Variants in TMEM232 observed in about 807,000 individuals in gnomAD.
TMEM232 encodes transmembrane protein 232.
Under a neutral mutation model 78.8 loss-of-function variants are expected in TMEM232, and 80 were observed. The observed-to-expected ratio is 1.01, with a 90% CI of 0.85 to 1.22. TMEM232 has a LOEUF of 1.22. TMEM232 is among the 50% of genes most tolerant of loss of function. TMEM232 has a pLI of 0.00. For synonymous variants in TMEM232, 297 were observed against 254.3 expected (o/e 1.17, Z -1.60); for missense variants, 881 against 742.2 (o/e 1.19, Z -2.17).
intron 13 of TMEM232, among the ~76,000 whole-genome samples, chr5:110,421,668 T>A (rs2112613862): frequency 6.6e-6 from 1 of 152,274 alleles, no homozygotes; most frequent in African/African-American, 2.4e-5. Context: ...GATTACTATA[T>A]ATACCAGTAC....
intron 4 of TMEM232, among the ~76,000 whole-genome samples, chr5:110,639,346 T>C (rs1263652002): frequency 6.6e-6 from 1 of 152,198 alleles, no homozygotes; most frequent in East Asian, 1.9e-4. Flanking sequence ...ATTAAATATG[T>C]GAATGCATTA....
chr5:110,407,469 G>A (rs1456153182), intron 2 of TMEM232, among the ~76,000 whole-genome samples: 1 of 152,104 alleles, frequency 6.6e-6, no homozygotes, highest in Middle Eastern at 3.2e-3. Context: ...AATTTAGCAA[G>A]AGAATATCAT....
At chr5:110,404,757 A>G (rs55885118) in intron 2 of TMEM232, among the ~76,000 whole-genome samples, 5,512 of 152,160 alleles carry the variant, frequency 0.036, 139 homozygotes, top group African/African-American at 0.07. Context: ...CTGAATTCCA[A>G]AGAAAAACAA....
chr5:110,497,902 C>A (rs1765805492), intron 12 of TMEM232, among the ~76,000 whole-genome samples: 2 of 152,082 alleles, frequency 1.3e-5, no homozygotes, highest in South Asian at 4.1e-4. Context: ...ATCTTTTGGA[C>A]TCTAAAGAAT....
intron 10 of TMEM232, among the ~76,000 whole-genome samples, chr5:110,598,135 A>G (rs560423540): frequency 6.6e-6 from 1 of 152,336 alleles, no homozygotes; most frequent in African/African-American, 2.4e-5. Context: ...GCTAATATCC[A>G]CAATCTACAA....
chr5:110,707,750 A>C (rs1796076703), intron 1 of TMEM232, among the ~76,000 whole-genome samples: 1 of 151,762 alleles, frequency 6.6e-6, no homozygotes, highest in Non-Finnish European at 1.5e-5. Context: ...AATGAAAGAG[A>C]CTCCTTCCTT....
At chr5:110,524,948 G>A (rs1032942738) in intron 12 of TMEM232, among the ~76,000 whole-genome samples, 1 of 151,788 alleles carries the variant, frequency 6.6e-6, no homozygotes, top group Non-Finnish European at 1.5e-5. Flanking sequence ...TCTAATGTAA[G>A]TATAGCCACA....
Position 110,690,169 on chromosome 5 carries a change from C to T in TMEM232, c.-12-22805G>A, listed in dbSNP as rs531299767. On this transcript the variant is annotated intron_variant, in intron 1 of 13. Coordinates refer to ENST00000455884, the MANE Select transcript of TMEM232 (RefSeq NM_001039763.4). ...ATTAAACTAAAGAGCTTCTAGACAG[C>T]GAAAGAAAGTATCATCAGAGTGAAC... Among the ~76,000 whole-genome samples the T allele has an allele frequency of 4.9e-4, 75 of 152,096 alleles. 1 individual carries two copies. Among genetic ancestry groups the T allele is most frequent in the African/African-American group, 1.0e-3 (42 of 41,492 alleles).
chr5:110,684,980 A>C (rs1793211603), intron 1 of TMEM232: 1 of 152,112 alleles, frequency 6.6e-6, no homozygotes, highest in South Asian at 2.1e-4. Flanking sequence ...GTCTTAACGA[A>C]TTGCAAAATG....
intron 3 of TMEM232, among the ~76,000 whole-genome samples, chr5:110,397,450 A>C (rs1316642000): frequency 1.3e-5 from 2 of 152,166 alleles, no homozygotes; most frequent in East Asian, 3.9e-4. Context: ...GTATTATTAG[A>C]ACTTGTATGC....
At chr5:110,668,254 A>C (rs1366525737) in intron 1 of TMEM232, among the ~76,000 whole-genome samples, 3 of 152,158 alleles carry the variant, frequency 2.0e-5, no homozygotes, top group Non-Finnish European at 4.4e-5. Context: ...TATCACTCTT[A>C]GGGCTAAAGA....
chr5:110,406,265 TACAC>T (rs70999966), intron 2 of TMEM232, among the ~76,000 whole-genome samples: 3,368 of 143,636 alleles, frequency 0.023, 48 homozygotes, highest in African/African-American at 0.042. Context: ...CAGATATATA[TACAC>T]ACACACACAC....
At chr5:110,414,285 G>A (rs2112586620) in intron 2 of TMEM232, among the ~76,000 whole-genome samples, 1 of 152,216 alleles carries the variant, frequency 6.6e-6, no homozygotes, top group East Asian at 1.9e-4. Context: ...AATATGTACA[G>A]TATTATATTT....
At chr5:110,426,639 A>C (rs1399476088) in intron 12 of TMEM232, among the ~76,000 whole-genome samples, 1 of 152,014 alleles carries the variant, frequency 6.6e-6, no homozygotes, top group African/African-American at 2.4e-5. Context: ...CCCTCTCCCA[A>C]CTTAATTAAT....
chr5:110,393,223 T>C (rs1755268489), intron 3 of TMEM232, among the ~76,000 whole-genome samples: 1 of 152,244 alleles, frequency 6.6e-6, no homozygotes, highest in African/African-American at 2.4e-5. Flanking sequence ...ACAGATTTTC[T>C]GTCTACTTGT....
chr5:110,475,276 T>C (rs1319023826), intron 12 of TMEM232, among the ~76,000 whole-genome samples: 1 of 151,840 alleles, frequency 6.6e-6, no homozygotes, highest in African/African-American at 2.4e-5. Context: ...AAAGGCTATA[T>C]TTTTAGTGAA....
At position 110,667,208 on chromosome 5, in the gene TMEM232, A is replaced by G; in HGVS notation, c.125+20T>C. 6.5e-7 allele frequency: 1 copy of G among 1,528,434 alleles called. No individual in the cohort carries two copies. 94.7% of individuals were successfully genotyped at this position (1,528,434 alleles called of 1,614,324 possible). A position where few individuals can be genotyped will look rare whatever the true frequency, so the allele number is the denominator to read the frequency against. The stretch of plus-strand genomic sequence containing the variant: ...ATTCTCTACAATACATATGGGTCCT[A>G]TAATTATTTTCTAGCTTACCTTGAT... On this transcript the variant is annotated intron_variant, in intron 2 of 13. Coordinates refer to ENST00000455884, the MANE Select transcript of TMEM232 (RefSeq NM_001039763.4).
chr5:110,499,640 C>CATATAT (rs1461952407), intron 12 of TMEM232, among the ~76,000 whole-genome samples: 93 of 145,608 alleles, frequency 6.4e-4, no homozygotes, highest in African/African-American at 2.4e-3. Flanking sequence ...CCCCCCCACA[C>CATATAT]ACACACATAT....
intron 3 of TMEM232, among the ~76,000 whole-genome samples, chr5:110,392,431 TAGTC>T (rs1308995401): frequency 1.3e-5 from 2 of 152,220 alleles, no homozygotes; most frequent in African/African-American, 4.8e-5. Context: ...ACTGATTTGT[TAGTC>T]AGTTCAGGCT....
Sources: gnomAD v4.1 joint callset for allele counts (sites outside exome capture counted in the v4.1 genomes callset) on GRCh38, gnomAD v4.1.1 for gene constraint, MANE v1.5 for transcripts, NCBI Gene and HGNC (gene_info 2026-07-23, HGNC 2026-07-21) for gene names.